The following VWF variants were observed in gnomAD, a reference collection of about 807,000 sequenced individuals.
VWF encodes von Willebrand factor, also known as Factor VIII related antigen.
Under a neutral mutation model 308.6 loss-of-function variants are expected in VWF, and 176 were observed. The observed-to-expected ratio is 0.57, with a 90% CI of 0.50 to 0.65. The LOEUF is 0.65. VWF is among the 30% of genes least tolerant of loss of function. The probability of loss-of-function intolerance (pLI) is 0.00; values close to 1 mark genes in which losing one functional copy is unlikely to be tolerated. For missense variants in VWF, 3,146 were observed against 3,648.2 expected (o/e 0.86, Z 3.55); for synonymous variants, 1,385 against 1,443.4 (o/e 0.96, Z 0.92).
chr12:6,078,113 A>G (rs945928414), intron 6 of VWF, among the ~76,000 whole-genome samples: 2 of 152,142 alleles, frequency 1.3e-5, no homozygotes, highest in Non-Finnish European at 2.9e-5. Flanking sequence ...CTTACCCTCT[A>G]GAATAGTGAG....
chr12:6,090,398 C>T (rs1377795407), intron 6 of VWF, among the ~76,000 whole-genome samples: 3 of 152,132 alleles, frequency 2.0e-5, no homozygotes, highest in Non-Finnish European at 4.4e-5. Flanking sequence ...CCTTGTTTTC[C>T]TTCTAACCTC....
At chr12:6,074,900 C>T (rs1944823948) in intron 7 of VWF, among the ~76,000 whole-genome samples, 1 of 152,188 alleles carries the variant, frequency 6.6e-6, no homozygotes, top group Non-Finnish European at 1.5e-5. Flanking sequence ...AAGAGAAGAA[C>T]TTAATGAATG....
At position 5,982,024 on chromosome 12, in the gene VWF, C is replaced by T. The variant is rs370006064; in HGVS notation, c.7082-33G>A. On this transcript the variant is annotated intron_variant, in intron 41 of 51. Coordinates refer to ENST00000261405, the MANE Select transcript of VWF (RefSeq NM_000552.5). ...TAGGACAAGGCCACACTGAGCACTG[C>T]GCCCAGCCAGGGCTCGTAAGTATTC... 9 of 1,601,334 alleles carry T rather than the reference C, an allele frequency of 5.6e-6. No individual in the cohort carries two copies. The East Asian group carries it at 8.9e-5, about 16-fold the overall frequency.
intron 42 of VWF, among the ~76,000 whole-genome samples, chr12:5,980,091 A>AAAGGAAGGAAGGAAGGAAGG (rs199720992): frequency 1.1e-4 from 8 of 74,842 alleles, no homozygotes; most frequent in African/African-American, 3.7e-4. Flanking sequence ...GAAAAGAAAG[A>AAAGGAAGGAAGGAAGGAAGG]AAGGAAGGAA....
chr12:5,999,156 A>G (rs1943844964), intron 34 of VWF, among the ~76,000 whole-genome samples: 1 of 152,226 alleles, frequency 6.6e-6, no homozygotes, highest in East Asian at 1.9e-4. Flanking sequence ...GAGAACTGAA[A>G]AGAAGAGAGA....
intron 38 of VWF, among the ~76,000 whole-genome samples, chr12:5,986,854 G>A (rs1418057780): frequency 6.6e-6 from 1 of 152,230 alleles, no homozygotes; most frequent in Non-Finnish European, 1.5e-5. Flanking sequence ...CACAGGCACA[G>A]CGACAGAGTG....
At chr12:5,950,180 A>C (rs1943168396) in intron 50 of VWF, among the ~76,000 whole-genome samples, 1 of 152,190 alleles carries the variant, frequency 6.6e-6, no homozygotes, top group Non-Finnish European at 1.5e-5. Context: ...CCTTTGTATC[A>C]TTGTAGACTC....
In VWF at chr12:5,981,830, T is replaced by C; in HGVS notation, c.7243A>G (p.Thr2415Ala). 4 of 1,614,016 alleles carry C rather than the reference T, an allele frequency of 2.5e-6. No homozygotes were observed. Among genetic ancestry groups the C allele is most frequent in the Non-Finnish European group, 3.4e-6 (4 of 1,180,006 alleles). The change falls in exon 42 of 52, where the codon ACC (threonine) becomes GCC (alanine). Residue 2415 changes from threonine (T) to alanine (A), a missense_variant. Thr to Ala is a moderately conservative substitution (Grantham distance 58). Around this residue, in one of 3 missense-constraint regions of VWF, gnomAD observed 989 missense variants for 1,117.4 expected, o/e 0.89. Coordinates refer to ENST00000261405, the MANE Select transcript of VWF (RefSeq NM_000552.5). The stretch of plus-strand genomic sequence containing the variant: ...GTTGTGGTACAGCCACAGTCATTGG[T>C]GGCAGTTGAGGCCAAGTACCCAAGG... Reference protein sequence around the residue: ...CPLGYLASTATNDCGCTTTTC... With the variant: ...CPLGYLASTAANDCGCTTTTC...
rs1315340312 is a variant in VWF, at chr12:6,020,514, G to GC, written c.3675-772dup. On this transcript the variant is annotated intron_variant, in intron 27 of 51. Transcript: ENST00000261405. This position sits in a 1 kb window ranked among gnomAD's most constrained non-coding sequence, Gnocchi z 4.3. ...ACCACAAGTCTGTAGTAGAGCAGTG[G>GC]CCCCCCACACACAAATTCCTACACT... Among the ~76,000 whole-genome samples the GC allele has an allele frequency of 2.6e-5, 4 of 152,314 alleles. No homozygotes were observed. Among genetic ancestry groups the GC allele is most frequent in the South Asian group, 4.2e-4 (2 of 4,818 alleles).
Position 5,999,835 on chromosome 12 carries a change from T to C in VWF, c.5843-3613A>G, listed in dbSNP as rs544721787. 3.9e-4 allele frequency among the ~76,000 whole-genome samples: 59 copies of C among 151,348 alleles called. 1 individual carries two copies. The South Asian group carries it at 0.01, about 26-fold the overall frequency. ...GAACAAAGACAAGAATAAATAAAAA[T>C]AGAACTCAGTGAACTTGGTGGGGGT... On this transcript the variant is annotated intron_variant, in intron 34 of 51. Transcript: ENST00000261405.
intron 40 of VWF, among the ~76,000 whole-genome samples, 186 bp from the exon 41 acceptor site, chr12:5,983,440 T>G (rs1943632783): frequency 6.6e-6 from 1 of 151,016 alleles, no homozygotes; most frequent in Non-Finnish European, 1.5e-5. Flanking sequence ...GATAGAATGA[T>G]AACTAGATAC....
chr12:6,074,989 G>A (rs1389163481), intron 7 of VWF, among the ~76,000 whole-genome samples: 3 of 152,056 alleles, frequency 2.0e-5, no homozygotes, highest in South Asian at 2.1e-4. Flanking sequence ...GCGGGCAGGC[G>A]GTGAAGACAA....
intron 6 of VWF, among the ~76,000 whole-genome samples, chr12:6,079,448 T>C (rs1381293445): frequency 2.1e-5 from 3 of 143,542 alleles, no homozygotes; most frequent in South Asian, 4.9e-4. Context: ...CTACTAAAAA[T>C]ACAAAAAAAA....
intron 34 of VWF, among the ~76,000 whole-genome samples, chr12:5,997,540 T>C (rs1943819591): frequency 6.6e-6 from 1 of 152,190 alleles, no homozygotes; most frequent in African/African-American, 2.4e-5. Context: ...TTACTGATCC[T>C]CTCCTATCTC....
Position 6,019,454 on chromosome 12 carries a change from G to A in VWF, c.3964C>T (p.His1322Tyr), listed in dbSNP as rs775702030. Residue 1322 changes from histidine to tyrosine, a missense_variant, in exon 28 of 52, where the codon CAC becomes TAC. His to Tyr is a moderately conservative substitution (Grantham distance 83). This residue lies in a region of VWF where 853 missense variants were observed against 1,177.8 expected (regional missense o/e 0.72). Transcript: ENST00000261405. This position sits in a 1 kb window ranked among gnomAD's most constrained non-coding sequence, Gnocchi z 5.8. ...CCGATGTAGGCGTGGGAGCCGTCGT[G>A]GTACTCCACCACGGCCACGCGGACC... The part of the protein sequence containing the change: ...KWVRVAVVEY[H>Y]DGSHAYIGLK... 11 of 1,613,902 alleles carry A rather than the reference G, an allele frequency of 6.8e-6. No individual in the cohort carries two copies. The South Asian group carries it at 1.2e-4, about 18-fold the overall frequency.
At chr12:6,121,822 T>C (rs1024450233) in intron 2 of VWF, among the ~76,000 whole-genome samples, 2 of 148,020 alleles carry the variant, frequency 1.4e-5, no homozygotes, top group African/African-American at 2.5e-5. Context: ...TCCCAGCTAC[T>C]GGTGAGGCTG....
chr12:5,994,270 G>C, intron 36 of VWF, 67 bp from the exon 37 acceptor site: 1 of 1,600,496 alleles, frequency 6.2e-7, no homozygotes. Flanking sequence ...ATTGATGCCA[G>C]AGACAGGCCA....
In VWF at chr12:6,123,203, A is replaced by G. The variant is rs1411612171; in HGVS notation, c.1-7T>C. Reference sequence around the variant, plus strand: ...CAAATCTGGCAGGAATCATCTGCAAAGAAGCAAGAGACGTGAGCTGGTCAT... The same window carrying G: ...CAAATCTGGCAGGAATCATCTGCAAGGAAGCAAGAGACGTGAGCTGGTCAT... On this transcript the variant is annotated splice_polypyrimidine_tract_variant and splice_region_variant and intron_variant, in intron 1 of 51. Transcript: ENST00000261405. 1 of 1,614,090 alleles carries G rather than the reference A, an allele frequency of 6.2e-7. No homozygotes were observed. Among genetic ancestry groups the G allele is most frequent in the East Asian group, 2.2e-5 (1 of 44,900 alleles).
chr12:6,121,026 G>T, intron 3 of VWF, 148 bp downstream of exon 3: 1 of 1,090,716 alleles, frequency 9.2e-7, no homozygotes, highest in Non-Finnish European at 1.3e-6. Flanking sequence ...GAGGGGCTAC[G>T]TGTCACAGAA....
Sources: gnomAD v4.1 joint callset for allele counts (sites outside exome capture counted in the v4.1 genomes callset) on GRCh38, gnomAD v4.1.1 for gene constraint, gnomAD v4.1.1 regional missense constraint, Gnocchi (gnomAD v3.1) non-coding constraint, MANE v1.5 for transcripts, NCBI Gene and HGNC (gene_info 2026-07-23, HGNC 2026-07-21) for gene names.